The following MRPS31 variants were observed in gnomAD, a reference collection of about 807,000 sequenced individuals.
The protein encoded by MRPS31 is small ribosomal subunit protein mS31.
Under a neutral mutation model 43.1 loss-of-function variants are expected in MRPS31, and 32 were observed. The observed-to-expected ratio is 0.74, with a 90% CI of 0.56 to 1.00. The LOEUF (loss-of-function observed/expected upper bound fraction) is 1.00. Ranked by LOEUF, MRPS31 falls within the 50% of genes least tolerant of loss-of-function variation. The probability of loss-of-function intolerance (pLI) is 0.00; values close to 1 mark genes in which losing one functional copy is unlikely to be tolerated. For missense variants in MRPS31, 437 were observed against 466.7 expected, an observed-to-expected ratio of 0.94 and a Z score of 0.59; for synonymous variants, 165 against 161.6, an observed-to-expected ratio of 1.02 and a Z score of -0.16.
intron 2 of MRPS31, among the ~76,000 whole-genome samples, chr13:40,763,377 G>T (rs1593278502): frequency 1.3e-5 from 2 of 152,148 alleles, no homozygotes; most frequent in Non-Finnish European, 2.9e-5. Context: ...CTGCCCCACA[G>T]CAGCCAGTAT....
intron 4 of MRPS31, among the ~76,000 whole-genome samples, chr13:40,756,548 A>C (rs1880531700): frequency 6.6e-6 from 1 of 152,220 alleles, no homozygotes; most frequent in African/African-American, 2.4e-5. Context: ...AAAATGAAAA[A>C]TAATGTTTCT....
chr13:40,769,533 G>A (rs1880950183), intron 1 of MRPS31, among the ~76,000 whole-genome samples: 1 of 151,034 alleles, frequency 6.6e-6, no homozygotes, highest in Admixed American at 6.6e-5. Flanking sequence ...TTATGAAAAC[G>A]TCAGAGGCTA....
chr13:40,761,107 GA>G lies in MRPS31; in HGVS notation c.441-2002del, dbSNP rs199553443. Among the ~76,000 whole-genome samples the G allele has an allele frequency of 4.9e-4, 70 of 144,206 alleles. No individual in the cohort carries two copies. In the South Asian group the frequency reaches 5.3e-3, roughly 11 times the overall value. The allele number at this position is 144,206 out of a possible 152,430, so 94.6% of individuals were successfully genotyped here. On this transcript the variant is annotated intron_variant, in intron 2 of 6. Transcript: ENST00000323563. Reference sequence around the variant, plus strand: ...GCCTGGGATAGAGAAAAAAAGAAAAGAAAAAAAAAAATTAGCCAGGTGTGGT... The same window carrying G: ...GCCTGGGATAGAGAAAAAAAGAAAAGAAAAAAAAAATTAGCCAGGTGTGGT...
chr13:40,747,768 G>A (rs1435570499), intron 6 of MRPS31, among the ~76,000 whole-genome samples: 4 of 151,968 alleles, frequency 2.6e-5, no homozygotes, highest in Admixed American at 6.6e-5. Flanking sequence ...GCTTGAACCC[G>A]GGAGGAGGAG....
chr13:40,754,639 T>C (rs1227460379), intron 4 of MRPS31, among the ~76,000 whole-genome samples: 1 of 152,252 alleles, frequency 6.6e-6, no homozygotes, highest in Non-Finnish European at 1.5e-5. Flanking sequence ...AGTTAATAGG[T>C]AACATTTTCT....
chr13:40,771,119 C>G lies in MRPS31; in HGVS notation c.18G>C (p.Ser6=). The change falls in exon 1 of 7, where the codon TCG becomes TCC. Residue 6 remains serine (S), a synonymous_variant. Coordinates refer to ENST00000323563, the MANE Select transcript of MRPS31 (RefSeq NM_005830.4). ...AAAGGGGGCGAAGAGGTAGGAACGT[C>G]GAGACTCTAGGAAACATCGCCGAGA... is the stretch of plus-strand genomic sequence containing the variant. MFPRV[S]TFLPLRPLSR... 1 of 1,611,620 alleles carries G rather than the reference C, an allele frequency of 6.2e-7. No individual in the cohort carries two copies. Among genetic ancestry groups the G allele is most frequent in the Non-Finnish European group, 8.5e-7 (1 of 1,178,672 alleles).
intron 6 of MRPS31, among the ~76,000 whole-genome samples, chr13:40,744,173 G>A (rs982461830): frequency 4.6e-5 from 7 of 152,132 alleles, no homozygotes; most frequent in Admixed American, 3.9e-4. Context: ...CACAAAGAAG[G>A]GAATGACAGA....
chr13:40,768,044 C>A (rs1291128747), intron 1 of MRPS31, among the ~76,000 whole-genome samples: 2 of 152,154 alleles, frequency 1.3e-5, no homozygotes, highest in Admixed American at 6.5e-5. Context: ...AAGAACAACA[C>A]AAATGATTAC....
At chr13:40,747,355 T>A (rs1336883195) in intron 6 of MRPS31, among the ~76,000 whole-genome samples, 7 of 152,178 alleles carry the variant, frequency 4.6e-5, no homozygotes, top group Non-Finnish European at 5.9e-5. Context: ...CTTTCCTTAA[T>A]ATCAGATATT....
intron 6 of MRPS31, among the ~76,000 whole-genome samples, chr13:40,742,183 ATACAG>A (rs1880118476): frequency 1.3e-5 from 2 of 152,186 alleles, no homozygotes; most frequent in South Asian, 2.1e-4. Context: ...AAGAAGCACA[ATACAG>A]TAAAGAAAAC....
intron 3 of MRPS31, among the ~76,000 whole-genome samples, chr13:40,758,161 G>T (rs1448785633): frequency 7.0e-6 from 1 of 142,652 alleles, no homozygotes; most frequent in Non-Finnish European, 1.5e-5. Context: ...AAAAAAAAAA[G>T]TGATCCTCCT....
At chr13:40,742,295 T>A (rs1880121680) in intron 6 of MRPS31, among the ~76,000 whole-genome samples, 1 of 152,212 alleles carries the variant, frequency 6.6e-6, no homozygotes, top group African/African-American at 2.4e-5. Flanking sequence ...CTGCTTTAAG[T>A]ATTGAATACA....
intron 5 of MRPS31, among the ~76,000 whole-genome samples, chr13:40,752,639 TTAAA>T (rs2138007843): frequency 6.6e-6 from 1 of 152,304 alleles, no homozygotes; most frequent in African/African-American, 2.4e-5. Flanking sequence ...TAATAGTCTA[TTAAA>T]TAGAGGGAAA....
In MRPS31 at chr13:40,758,947, C is replaced by A; in HGVS notation, c.599+1G>T. On this transcript the variant is annotated splice_donor_variant, in intron 3 of 6. Transcript: ENST00000323563. LOFTEE classifies it high-confidence loss of function. ...CTGACTTAAGGGTTTGATTCACTCA[C>A]CTAATTTTAGGTCGCTTTGCATCTC... The A allele has an allele frequency of 6.4e-7, 1 of 1,571,054 alleles. No homozygotes were observed.
At chr13:40,751,946 G>C (rs1880401947) in intron 5 of MRPS31, among the ~76,000 whole-genome samples, 1 of 152,018 alleles carries the variant, frequency 6.6e-6, no homozygotes, top group African/African-American at 2.4e-5. Flanking sequence ...TAAAAAGTAA[G>C]ATGGTTCCTT....
intron 6 of MRPS31, among the ~76,000 whole-genome samples, chr13:40,733,425 G>A (rs1457467635): frequency 6.6e-6 from 1 of 152,018 alleles, no homozygotes; most frequent in African/African-American, 2.4e-5. Flanking sequence ...AGATTGGGAG[G>A]CCGAAATTAT....
At chr13:40,764,239 T>A (rs1880781250) in intron 2 of MRPS31, among the ~76,000 whole-genome samples, 1 of 152,206 alleles carries the variant, frequency 6.6e-6, no homozygotes. Flanking sequence ...CCAGGATGGA[T>A]GCACAAGCCC....
intron 5 of MRPS31, among the ~76,000 whole-genome samples, chr13:40,750,749 T>TATATAC (rs1880366258): frequency 1.6e-5 from 2 of 127,266 alleles, no homozygotes; most frequent in Non-Finnish European, 3.1e-5. Context: ...ATTTTATATA[T>TATATAC]ATATATATAT....
At chr13:40,734,949 A>G (rs1593440940) in intron 6 of MRPS31, among the ~76,000 whole-genome samples, 2 of 152,204 alleles carry the variant, frequency 1.3e-5, no homozygotes, top group South Asian at 4.1e-4. Context: ...CCGAATAGCA[A>G]CAGCTCCAGT....
Sources: gnomAD v4.1 joint callset for allele counts (sites outside exome capture counted in the v4.1 genomes callset) on GRCh38, gnomAD v4.1.1 for gene constraint, MANE v1.5 for transcripts, NCBI Gene and HGNC (gene_info 2026-07-23, HGNC 2026-07-21) for gene names.